ARL3: variants seen among roughly 807,000 people sequenced by gnomAD.
ARL3 encodes the protein ADP-ribosylation factor-like protein 3.
ARL3 carries 9 observed loss-of-function variants against 26.0 expected under a neutral mutation model. The ratio of observed to expected loss-of-function variants is 0.35; its 90% CI spans 0.21 to 0.60. The LOEUF (loss-of-function observed/expected upper bound fraction) is 0.60. Among genes scored for constraint, ARL3 ranks in the 20% least tolerant of loss-of-function variants. ARL3 has a pLI of 0.78. For synonymous variants in ARL3, 71 were observed against 78.4 expected (o/e 0.91, Z 0.50); for missense variants, 158 against 215.7 (o/e 0.73, Z 1.67).
At chr10:102,699,863 A>C (rs760062030) in intron 2 of ARL3, among the ~76,000 whole-genome samples, 1 of 152,226 alleles carries the variant, frequency 6.6e-6, no homozygotes, top group Non-Finnish European at 1.5e-5. Context: ...CTAACAACAA[A>C]AAAAAAGCTG....
intron 1 of ARL3, among the ~76,000 whole-genome samples, chr10:102,713,891 A>G (rs2064363948): frequency 6.6e-6 from 1 of 152,208 alleles, no homozygotes; most frequent in Non-Finnish European, 1.5e-5. Flanking sequence ...CTTTACTGCA[A>G]AGCCGCGAGA....
At chr10:102,700,181 C>G (rs550213678) in intron 2 of ARL3, among the ~76,000 whole-genome samples, 1 of 151,992 alleles carries the variant, frequency 6.6e-6, no homozygotes, top group Non-Finnish European at 1.5e-5. Flanking sequence ...GAGGCCGAGG[C>G]GGATGGATCA....
intron 1 of ARL3, among the ~76,000 whole-genome samples, chr10:102,709,372 G>A (rs146502798): frequency 1.1e-3 from 161 of 151,232 alleles, no homozygotes; most frequent in African/African-American, 3.7e-3. Flanking sequence ...AGGCACAGTG[G>A]TTCACACCTG....
intron 1 of ARL3, among the ~76,000 whole-genome samples, chr10:102,706,338 C>T (rs2064311337): frequency 1.3e-5 from 2 of 151,932 alleles, no homozygotes; most frequent in Non-Finnish European, 2.9e-5. Context: ...TGTAGTCCCA[C>T]CTACTCGAAA....
chr10:102,681,587 T>C (rs2064156510), intron 5 of ARL3, among the ~76,000 whole-genome samples: 1 of 151,994 alleles, frequency 6.6e-6, no homozygotes, highest in African/African-American at 2.4e-5. Context: ...TGAAAGCCTA[T>C]GTGACCTGCT....
chr10:102,703,610 A>C (rs1305797989), intron 2 of ARL3, among the ~76,000 whole-genome samples: 1 of 148,010 alleles, frequency 6.8e-6, no homozygotes, highest in East Asian at 2.0e-4. Flanking sequence ...CGCCCAGCCA[A>C]TTTTTTGTAT....
chr10:102,690,390 T>G (rs1030273659), intron 3 of ARL3, among the ~76,000 whole-genome samples: 1 of 151,424 alleles, frequency 6.6e-6, no homozygotes, highest in African/African-American at 2.4e-5. Flanking sequence ...TTCACCCCAT[T>G]CTCCTGCCTC....
chr10:102,702,091 T>C (rs1190739331), intron 2 of ARL3, among the ~76,000 whole-genome samples: 1 of 151,178 alleles, frequency 6.6e-6, no homozygotes, highest in Admixed American at 6.6e-5. Context: ...CTCAGGAGCC[T>C]GAGGTGGGAA....
rs1440789349 is a variant in ARL3, at chr10:102,714,367, C to T, written c.-92G>A. The T allele has an allele frequency of 8.2e-7, 1 of 1,224,156 alleles. No homozygotes were observed. The highest frequency in any genetic ancestry group is 1.0e-6 in the Non-Finnish European group (1 of 959,584). 75.8% of individuals were successfully genotyped at this position (1,224,156 alleles called of 1,614,324 possible). ...GCGGCGCCGCCCCCGACGTCCCTCG[C>T]ACGCACAGCTGAGGAGCTGAGCAGC... On this transcript the variant is annotated 5_prime_UTR_variant, in exon 1 of 6. Transcript: ENST00000260746.
intron 3 of ARL3, among the ~76,000 whole-genome samples, chr10:102,694,209 T>TC (rs1319272705): frequency 6.6e-6 from 1 of 152,130 alleles, no homozygotes; most frequent in Non-Finnish European, 1.5e-5. Context: ...CAGGATGGTC[T>TC]CGATCTCCTG....
At chr10:102,682,097 G>T (rs1324334281) in intron 5 of ARL3, among the ~76,000 whole-genome samples, 3 of 152,146 alleles carry the variant, frequency 2.0e-5, no homozygotes, top group Non-Finnish European at 2.9e-5. Context: ...CCTCGAGGGC[G>T]CAGAGTGACA....
chr10:102,684,432 A>T (rs1011118100), intron 5 of ARL3, among the ~76,000 whole-genome samples: 37 of 150,872 alleles, frequency 2.5e-4, no homozygotes, highest in Non-Finnish European at 4.7e-4. Flanking sequence ...TACAGGTGTG[A>T]GCCACCACAG....
rs2064119714 is a variant in ARL3 at position 102,674,359 on chromosome 10, C to T, written c.*2535G>A. The T allele has an allele frequency of 6.6e-6, 1 of 152,252 alleles. No homozygotes were observed. Among genetic ancestry groups the T allele is most frequent in the Non-Finnish European group, 1.5e-5 (1 of 68,122 alleles). The allele number at this position is 152,252 out of a possible 1,614,324, so 9.4% of individuals were successfully genotyped here. On this transcript the variant is annotated 3_prime_UTR_variant, in exon 6 of 6. Coordinates refer to ENST00000260746, the MANE Select transcript of ARL3 (RefSeq NM_004311.4). ...AGAGTGAAGGGGAAAGGGTGTGTTG[C>T]ACTGGGTGCAGGGAATCCAGCCAAA...
At chr10:102,687,279 G>C (rs1322478063) in intron 4 of ARL3, among the ~76,000 whole-genome samples, 1 of 151,892 alleles carries the variant, frequency 6.6e-6, no homozygotes, top group Non-Finnish European at 1.5e-5. Context: ...TGTCATCCAG[G>C]CTGGAGTGCA....
At chr10:102,702,869 T>C (rs2064287686) in intron 2 of ARL3, among the ~76,000 whole-genome samples, 1 of 152,210 alleles carries the variant, frequency 6.6e-6, no homozygotes, top group Non-Finnish European at 1.5e-5. Flanking sequence ...GTAAGACTCA[T>C]GGGCCGTGAA....
chr10:102,714,308 C>CCTG lies in ARL3; in HGVS notation c.-36_-34dup. On this transcript the variant is annotated 5_prime_UTR_variant, in exon 1 of 6. Coordinates refer to ENST00000260746, the MANE Select transcript of ARL3 (RefSeq NM_004311.4). ...CCGAGTCCCTCCTCCTCCTCCTCCT[C>CCTG]CTGCTGCCTCCCCCGTTACCAGGGG... 1 of 1,305,150 alleles carries CCTG rather than the reference C, an allele frequency of 7.7e-7. No individual in the cohort carries two copies. Among genetic ancestry groups the CCTG allele is most frequent in the East Asian group, 2.8e-5 (1 of 35,492 alleles). The allele number at this position is 1,305,150 out of a possible 1,614,324, so 80.8% of individuals were successfully genotyped here. A position where few individuals can be genotyped will look rare whatever the true frequency, so the allele number is the denominator to read the frequency against.
At chr10:102,689,403 T>TA (rs1483282811) in intron 4 of ARL3, among the ~76,000 whole-genome samples, 1 of 152,166 alleles carries the variant, frequency 6.6e-6, no homozygotes. Flanking sequence ...CTTGCTAGAA[T>TA]AACTGTCTTG....
intron 2 of ARL3, among the ~76,000 whole-genome samples, chr10:102,702,246 G>A (rs1174631071): frequency 6.6e-6 from 1 of 151,812 alleles, no homozygotes; most frequent in Admixed American, 6.6e-5. Flanking sequence ...TCCTCTATGA[G>A]CCATTTTTAT....
At chr10:102,700,984 G>A (rs1053600397) in intron 2 of ARL3, among the ~76,000 whole-genome samples, 5 of 151,942 alleles carry the variant, frequency 3.3e-5, no homozygotes, top group Non-Finnish European at 5.9e-5. Flanking sequence ...TGATCCGCCC[G>A]CCTCAGCCTC....
Sources: allele counts gnomAD v4.1 joint callset (sites outside exome capture counted in the v4.1 genomes callset), GRCh38; gene constraint gnomAD v4.1.1; transcripts MANE v1.5; gene names NCBI Gene and HGNC (gene_info 2026-07-23, HGNC 2026-07-21).